Variants in GRK1 observed in about 807,000 individuals in gnomAD.
GRK1 encodes the protein G protein-coupled receptor kinase 1, also known as rhodopsin kinase GRK1.
GRK1 carries 28 observed loss-of-function variants against 41.7 expected under a neutral mutation model. The observed-to-expected ratio is 0.67, with a 90% CI of 0.50 to 0.92. The LOEUF (loss-of-function observed/expected upper bound fraction) is 0.92. Among genes scored for constraint, GRK1 ranks in the 40% least tolerant of loss-of-function variants. The pLI is 0.00. For missense variants in GRK1, 703 were observed against 671.2 expected (o/e 1.05, Z -0.52); for synonymous variants, 327 against 286.7 (o/e 1.14, Z -1.42).
chr13:113,653,553 G>A, the GRK1 span: 1 of 766,252 alleles, frequency 1.3e-6, no homozygotes, highest in Non-Finnish European at 2.2e-6. Flanking sequence ...CCTCCTCGGA[G>A]TAAACTGTCT....
At chr13:113,658,213 A>AGAGGTGGG in the GRK1 span, 3 of 1,429,646 alleles carry the variant, frequency 2.1e-6, no homozygotes, top group Non-Finnish European at 1.9e-6. Flanking sequence ...CCAGATGCCC[A>AGAGGTGGG]CCTCTGGGCT....
In GRK1 at chr13:113,736,714, G is replaced by A. The variant is rs1199337302; in HGVS notation, c.*1351G>A. Reference sequence around the variant, plus strand: ...AGGAAAGAACTTCCTTTGAGCCCCGGCCACTGTTGTACCAGTGGGAGAAGA... The same window carrying A: ...AGGAAAGAACTTCCTTTGAGCCCCGACCACTGTTGTACCAGTGGGAGAAGA... On this transcript the variant is annotated 3_prime_UTR_variant, in exon 7 of 7. Transcript: ENST00000335678. 6.6e-6 allele frequency: 1 copy of A among 152,240 alleles called. No individual in the cohort carries two copies. 9.4% of individuals were successfully genotyped at this position (152,240 alleles called of 1,614,324 possible).
At chr13:113,668,242 C>T (rs1268006149) in intron 1 of GRK1, 157 bp downstream of exon 1, 4 of 298,136 alleles carry the variant, frequency 1.3e-5, no homozygotes, top group Admixed American at 1.3e-4. Context: ...GGGCGCCCCG[C>T]GGCCGTGCGG....
chr13:113,656,048 T>C, the GRK1 span, among the ~76,000 whole-genome samples: 6 of 152,220 alleles, frequency 3.9e-5, no homozygotes, highest in African/African-American at 1.4e-4. Context: ...CCGCCGGGCG[T>C]CCCTGGTGAC....
chr13:113,658,615 G>A, the GRK1 span, among the ~76,000 whole-genome samples: 5 of 152,298 alleles, frequency 3.3e-5, no homozygotes, highest in East Asian at 1.9e-4. Context: ...AGTGAGGGGC[G>A]ACCGGCTCCC....
At chr13:113,672,076 G>A (rs1399562586) in intron 3 of GRK1, among the ~76,000 whole-genome samples, 4 of 147,860 alleles carry the variant, frequency 2.7e-5, no homozygotes, top group African/African-American at 7.5e-5. Flanking sequence ...CAACACTCAC[G>A]CTCAGCTGTG....
At chr13:113,653,421 C>G in the GRK1 span, 13 of 1,614,206 alleles carry the variant, frequency 8.1e-6, no homozygotes, top group African/African-American at 9.3e-5. Context: ...AAACATCCGG[C>G]CTTAAGGTTA....
intron 1 of GRK1, among the ~76,000 whole-genome samples, chr13:113,668,581 C>G (rs2049835705): frequency 6.6e-6 from 1 of 152,230 alleles, no homozygotes; most frequent in Admixed American, 6.5e-5. Flanking sequence ...GAACTGTTCC[C>G]CTGAGTGTGC....
the GRK1 span, chr13:113,653,096 C>CCCTGT: frequency 6.3e-7 from 1 of 1,593,774 alleles, no homozygotes; most frequent in African/African-American, 1.3e-5. Context: ...CACCTGCCAG[C>CCCTGT]CCTGTCCTGC....
the GRK1 span, among the ~76,000 whole-genome samples, chr13:113,650,893 G>A: frequency 6.6e-6 from 1 of 152,282 alleles, no homozygotes; most frequent in East Asian, 1.9e-4. This position sits in a 1 kb window ranked among gnomAD's most constrained non-coding sequence, Gnocchi z 5.0. Flanking sequence ...ATGCGTTTTT[G>A]TGAGATTGGG....
chr13:113,730,132 C>T (rs868789083), intron 4 of GRK1, among the ~76,000 whole-genome samples: 3 of 121,122 alleles, frequency 2.5e-5, no homozygotes, highest in Admixed American at 8.1e-5. Context: ...CCCCAGTCCC[C>T]GCGGCTGCAC....
At chr13:113,733,669 GCA>G (rs2049960405) in intron 6 of GRK1, among the ~76,000 whole-genome samples, 5 of 92,096 alleles carry the variant, frequency 5.4e-5, no homozygotes, top group Admixed American at 1.0e-4. Flanking sequence ...GTGCGTGTGT[GCA>G]CGTGTGTGCA....
At position 113,731,122 on chromosome 13, in the gene GRK1, G is replaced by A. The variant is rs1417290670; in HGVS notation, c.1070-97G>A. 6 of 1,465,750 alleles carry A rather than the reference G, an allele frequency of 4.1e-6. No homozygotes were observed. The highest frequency in any genetic ancestry group is 5.4e-6 in the Non-Finnish European group (6 of 1,101,916). 90.8% of individuals were successfully genotyped at this position (1,465,750 alleles called of 1,614,324 possible). ...ATGTGGAGAGTGCTGAGGCCCCGGG[G>A]GGGATGCATCCCCAGAGCATCAGTC... is the stretch of plus-strand genomic sequence containing the variant. On this transcript the variant is annotated intron_variant, in intron 4 of 6. Coordinates refer to ENST00000335678, the MANE Select transcript of GRK1 (RefSeq NM_002929.3). This position sits in a 1 kb window ranked among gnomAD's most constrained non-coding sequence, Gnocchi z 5.6.
In GRK1 at chr13:113,667,900, C is replaced by G. The variant is rs764419211; in HGVS notation, c.514C>G (p.Leu172Val). Reference sequence around the variant, plus strand: ...GGAGTACCTGGGCAGCCTGTACTTCCTGAGGTTCCTGCAGTGGAAGTGGCT... The same window carrying G: ...GGAGTACCTGGGCAGCCTGTACTTCGTGAGGTTCCTGCAGTGGAAGTGGCT... ...FQEYLGSLYFLRFLQWKWLEA... is the reference protein window; with the variant it reads ...FQEYLGSLYFVRFLQWKWLEA... Residue 172 changes from leucine to valine, a missense_variant, in exon 1 of 7, where the codon CTG (leucine) becomes GTG (valine). Physicochemically the swap from Leu to Val is conservative, Grantham distance 32. Transcript: ENST00000335678. This position sits in a 1 kb window ranked among gnomAD's most constrained non-coding sequence, Gnocchi z 7.5. 6.2e-7 allele frequency: 1 copy of G among 1,603,270 alleles called. No individual in the cohort carries two copies. Among genetic ancestry groups the G allele is most frequent in the Non-Finnish European group, 8.5e-7 (1 of 1,174,294 alleles).
chr13:113,669,857 A>C, intron 2 of GRK1, 43 bp downstream of exon 2: 1 of 1,609,800 alleles, frequency 6.2e-7, no homozygotes, highest in Non-Finnish European at 8.5e-7. Flanking sequence ...CCGCTGTCCC[A>C]CTGGGTCAGG....
chr13:113,668,057 A>C lies in GRK1; in HGVS notation c.671A>C (p.Lys224Thr). Residue 224 changes from lysine (K) to threonine (T), a missense_variant, in exon 1 of 7, where the codon AAG becomes ACG. Lys to Thr is a moderately conservative substitution (Grantham distance 78). Coordinates refer to ENST00000335678, the MANE Select transcript of GRK1 (RefSeq NM_002929.3). Reference sequence around the variant, plus strand: ...TATGCCTGCAAGAAGCTGAACAAGAAGCGGCTGAAGAAGAGGAAGGGCTAC... The same window carrying C: ...TATGCCTGCAAGAAGCTGAACAAGACGCGGCTGAAGAAGAGGAAGGGCTAC... Reference protein sequence around the residue: ...KLYACKKLNKKRLKKRKGYQG... With the variant: ...KLYACKKLNKTRLKKRKGYQG... The C allele has an allele frequency of 6.2e-7, 1 of 1,609,652 alleles. No individual in the cohort carries two copies. The highest frequency in any genetic ancestry group is 1.1e-5 in the South Asian group (1 of 90,376).
Position 113,735,180 on chromosome 13 carries a change from A to C in GRK1, c.1509A>C (p.Thr503=), listed in dbSNP as rs778239009. 1 of 1,537,232 alleles carries C rather than the reference A, an allele frequency of 6.5e-7. No individual in the cohort carries two copies. Among genetic ancestry groups the C allele is most frequent in the Admixed American group, 2.0e-5 (1 of 51,006 alleles). Residue 503 remains threonine, a synonymous_variant, in exon 7 of 7, where the codon ACA becomes ACC. Transcript: ENST00000335678. ...GTGTGGCCTTTGACAAAACAGACAC[A>C]GAATTCTTTCAGGAATTTGCCACTG... ...VKGVAFDKTD[T]EFFQEFATGN...
chr13:113,661,221 A>G, the GRK1 span, among the ~76,000 whole-genome samples: 1 of 152,168 alleles, frequency 6.6e-6, no homozygotes, highest in Non-Finnish European at 1.5e-5. Flanking sequence ...CAAATATGAA[A>G]CCTGAACAAC....
At chr13:113,657,304 C>T in the GRK1 span, among the ~76,000 whole-genome samples, 1 of 152,220 alleles carries the variant, frequency 6.6e-6, no homozygotes, top group East Asian at 1.9e-4. Flanking sequence ...CATCCCGACG[C>T]CCAGGGGTCG....
Sources: allele counts gnomAD v4.1 joint callset (sites outside exome capture counted in the v4.1 genomes callset), GRCh38; gene constraint gnomAD v4.1.1; non-coding constraint Gnocchi (gnomAD v3.1); transcripts MANE v1.5; gene names NCBI Gene and HGNC (gene_info 2026-07-23, HGNC 2026-07-21).